PTPRM: variants seen among roughly 807,000 people sequenced by gnomAD.
The protein encoded by PTPRM is receptor-type tyrosine-protein phosphatase mu.
PTPRM carries 47 observed loss-of-function variants against 186.7 expected under a neutral mutation model. That is an observed-to-expected ratio of 0.25 (90% CI 0.20 to 0.32). The LOEUF is 0.32. Among genes scored for constraint, PTPRM ranks in the 10% least tolerant of loss-of-function variants. PTPRM has a pLI of 1.00. For missense variants in PTPRM, 1,494 were observed against 1,865.0 expected, an observed-to-expected ratio of 0.80 and a Z score of 3.66; for synonymous variants, 668 against 674.9, an observed-to-expected ratio of 0.99 and a Z score of 0.16.
chr18:8,188,071 G>C (rs1012198044), intron 14 of PTPRM, among the ~76,000 whole-genome samples: 4 of 152,136 alleles, frequency 2.6e-5, no homozygotes, highest in African/African-American at 9.7e-5. Flanking sequence ...GAAATTGTAG[G>C]CTCCTAAATC....
intron 7 of PTPRM, among the ~76,000 whole-genome samples, chr18:7,983,992 T>C (rs1176117154): frequency 6.6e-6 from 1 of 152,212 alleles, no homozygotes; most frequent in Non-Finnish European, 1.5e-5. Context: ...TGCCTTGAAA[T>C]ACTGTTCACT....
At chr18:7,687,989 G>A (rs628056) in intron 1 of PTPRM, among the ~76,000 whole-genome samples, 20,499 of 151,954 alleles carry the variant, frequency 0.13, 2,533 homozygotes, top group African/African-American at 0.29. Flanking sequence ...TGTTGGCCAG[G>A]ATGGTCTCGA....
At chr18:7,749,029 C>A (rs1303344652) in intron 1 of PTPRM, 1 of 152,198 alleles carries the variant, frequency 6.6e-6, no homozygotes, top group Non-Finnish European at 1.5e-5. Context: ...CATGATGAGA[C>A]AACTGCATTT....
At chr18:8,297,476 G>C (rs538350100) in intron 20 of PTPRM, among the ~76,000 whole-genome samples, 3 of 152,172 alleles carry the variant, frequency 2.0e-5, no homozygotes, top group African/African-American at 7.2e-5. Context: ...GAAATGTTTC[G>C]TGTCTATGCT....
intron 22 of PTPRM, among the ~76,000 whole-genome samples, chr18:8,340,588 T>C (rs781320379): frequency 8.3e-4 from 127 of 152,348 alleles, no homozygotes; most frequent in Non-Finnish European, 1.7e-3. Context: ...GTCATGTTCC[T>C]AGATGACATG....
intron 2 of PTPRM, among the ~76,000 whole-genome samples, chr18:7,797,923 T>C (rs1051854455): frequency 3.9e-5 from 6 of 152,220 alleles, no homozygotes; most frequent in African/African-American, 1.2e-4. Flanking sequence ...TGGGATTTAA[T>C]TTTTAACCTT....
At chr18:7,707,820 C>G (rs892946424) in intron 1 of PTPRM, among the ~76,000 whole-genome samples, 1 of 152,150 alleles carries the variant, frequency 6.6e-6, no homozygotes, top group Admixed American at 6.5e-5. Context: ...TAGAAAAACA[C>G]TCAGCCTCCT....
intron 2 of PTPRM, among the ~76,000 whole-genome samples, chr18:7,846,554 T>C (rs2046606480): frequency 6.6e-6 from 1 of 152,242 alleles, no homozygotes; most frequent in Non-Finnish European, 1.5e-5. Context: ...CGTGCTTCTG[T>C]AGCCGGGAAT....
chr18:8,134,655 A>G (rs1234935067), intron 13 of PTPRM, among the ~76,000 whole-genome samples: 1 of 152,096 alleles, frequency 6.6e-6, no homozygotes, highest in Non-Finnish European at 1.5e-5. Flanking sequence ...TTTGGCCAGG[A>G]AGTCCTTTCT....
At chr18:7,840,670 G>T (rs727951) in intron 2 of PTPRM, among the ~76,000 whole-genome samples, 100,296 of 152,062 alleles carry the variant, frequency 0.66, 33,595 homozygotes, top group East Asian at 0.96. Context: ...GAAATGTGCC[G>T]TCAGTGACTA....
At chr18:8,215,710 T>G (rs569929082) in intron 14 of PTPRM, among the ~76,000 whole-genome samples, 104 of 152,064 alleles carry the variant, frequency 6.8e-4, no homozygotes, top group Non-Finnish European at 9.1e-4. Flanking sequence ...GCTCAGCTAC[T>G]TTTTTTCGTT....
chr18:7,895,625 A>C (rs1308079513), intron 3 of PTPRM, among the ~76,000 whole-genome samples: 1 of 152,178 alleles, frequency 6.6e-6, no homozygotes, highest in Non-Finnish European at 1.5e-5. Context: ...TGGGCTCTTC[A>C]GTTGGCTATT....
intron 14 of PTPRM, among the ~76,000 whole-genome samples, chr18:8,195,358 T>C (rs1473995447): frequency 6.6e-6 from 1 of 151,956 alleles, no homozygotes; most frequent in African/African-American, 2.4e-5. Flanking sequence ...GATGTGTGGA[T>C]TGACTCAGCC....
intron 13 of PTPRM, among the ~76,000 whole-genome samples, chr18:8,136,855 G>A (rs987943969): frequency 6.6e-6 from 1 of 152,196 alleles, no homozygotes; most frequent in Non-Finnish European, 1.5e-5. Flanking sequence ...TGAATGAACT[G>A]TCTCACAATG....
chr18:8,400,586 G>A (rs368783691), intron 32 of PTPRM, among the ~76,000 whole-genome samples: 5 of 152,262 alleles, frequency 3.3e-5, no homozygotes, highest in South Asian at 2.1e-4. Context: ...GCCATGCGGC[G>A]GTGTTCACAG....
chr18:8,054,861 A>G (rs999014532), intron 7 of PTPRM, among the ~76,000 whole-genome samples: 1 of 151,984 alleles, frequency 6.6e-6, no homozygotes, highest in African/African-American at 2.4e-5. Flanking sequence ...AATTAGCTTT[A>G]TTTTGTCTTG....
chr18:8,379,504 G>T (rs1280164186), intron 28 of PTPRM, among the ~76,000 whole-genome samples, 164 bp downstream of exon 28: 7 of 152,090 alleles, frequency 4.6e-5, no homozygotes, highest in Admixed American at 4.6e-4. Flanking sequence ...ATGTTTTTGT[G>T]TCGGGGCTGA....
rs565725550 is a variant in PTPRM, at chr18:8,158,432, G to T, written c.2300+14653G>T. 4.6e-5 allele frequency among the ~76,000 whole-genome samples: 7 copies of T among 152,228 alleles called. 1 individual carries two copies. In the South Asian group the frequency reaches 1.5e-3, roughly 32 times the overall value. ...TTTCTTGGGATGATCGTTTAAACTT[G>T]TATCTTGGTTATCGAATCCAGGAAT... On this transcript the variant is annotated intron_variant, in intron 14 of 32. Transcript: ENST00000580170.
chr18:8,223,881 G>A (rs775653276), intron 14 of PTPRM, among the ~76,000 whole-genome samples: 1 of 152,118 alleles, frequency 6.6e-6, no homozygotes, highest in East Asian at 1.9e-4. Context: ...GAGAGCTTTC[G>A]AGTACCTTCT....
Sources: allele counts gnomAD v4.1 joint callset (sites outside exome capture counted in the v4.1 genomes callset), GRCh38; gene constraint gnomAD v4.1.1; transcripts MANE v1.5; gene names NCBI Gene and HGNC (gene_info 2026-07-23, HGNC 2026-07-21).